TTBK2: variants seen among roughly 807,000 people sequenced by gnomAD.
TTBK2 encodes tau tubulin kinase 2, also known as tau-tubulin kinase 2.
TTBK2 carries 28 observed loss-of-function variants against 110.8 expected under a neutral mutation model. The observed-to-expected ratio is 0.25, with a 90% CI of 0.19 to 0.35. The LOEUF is 0.35. TTBK2 is among the 10% of genes least tolerant of loss of function. TTBK2 has a pLI of 1.00. For missense variants in TTBK2, 1,369 were observed against 1,500.3 expected, an observed-to-expected ratio of 0.91 and a Z score of 1.45; for synonymous variants, 532 against 527.3, an observed-to-expected ratio of 1.01 and a Z score of -0.12.
intron 13 of TTBK2, among the ~76,000 whole-genome samples, chr15:42,756,576 ACT>A (rs1179828841): frequency 1.3e-5 from 2 of 152,166 alleles, no homozygotes; most frequent in Non-Finnish European, 2.9e-5. Context: ...ACAGAGCGAC[ACT>A]CTGTCTCAAA....
intron 13 of TTBK2, among the ~76,000 whole-genome samples, chr15:42,759,880 G>A (rs2061999723): frequency 6.6e-6 from 1 of 151,730 alleles, no homozygotes; most frequent in Non-Finnish European, 1.5e-5. Context: ...CAACACCCAA[G>A]GAATGATAAT....
At chr15:42,833,214 A>G (rs1892834223) in intron 4 of TTBK2, among the ~76,000 whole-genome samples, 1 of 151,226 alleles carries the variant, frequency 6.6e-6, no homozygotes. Context: ...AATCTTTTAA[A>G]TAAAATAAAA....
At chr15:42,762,485 A>C (rs1442867947) in intron 13 of TTBK2, among the ~76,000 whole-genome samples, 2 of 152,188 alleles carry the variant, frequency 1.3e-5, no homozygotes, top group Non-Finnish European at 2.9e-5. Flanking sequence ...TGAAAGGCCA[A>C]GGCAGGTGGA....
chr15:42,824,113 G>A (rs1211109705), intron 6 of TTBK2, among the ~76,000 whole-genome samples: 2 of 152,034 alleles, frequency 1.3e-5, no homozygotes, highest in Non-Finnish European at 2.9e-5. Context: ...GAGAACTCAC[G>A]ACCCCTCCGC....
intron 11 of TTBK2, among the ~76,000 whole-genome samples, chr15:42,781,270 T>A (rs190253303): frequency 6.6e-6 from 1 of 152,062 alleles, no homozygotes; most frequent in Admixed American, 6.5e-5. Context: ...ACCTGGCAGA[T>A]GTAAAAACTC....
chr15:42,746,963 ATT>A (rs377241095), intron 14 of TTBK2, among the ~76,000 whole-genome samples: 48 of 135,148 alleles, frequency 3.6e-4, no homozygotes, highest in Non-Finnish European at 3.4e-4. Flanking sequence ...TGGGCCTCAG[ATT>A]TTTTTTTTTT....
intron 3 of TTBK2, among the ~76,000 whole-genome samples, chr15:42,844,454 G>A (rs1243329876): frequency 6.6e-6 from 1 of 152,300 alleles, no homozygotes; most frequent in Non-Finnish European, 1.5e-5. Context: ...AGCTACTCAG[G>A]AAGCTGCAGT....
intron 4 of TTBK2, among the ~76,000 whole-genome samples, chr15:42,838,605 C>A (rs1893091039): frequency 6.6e-6 from 1 of 151,950 alleles, no homozygotes; most frequent in African/African-American, 2.4e-5. Context: ...CACCTGAGGT[C>A]AGGAGTTCAA....
chr15:42,773,296 G>A (rs1339602329), intron 13 of TTBK2, among the ~76,000 whole-genome samples: 1 of 152,058 alleles, frequency 6.6e-6, no homozygotes, highest in Non-Finnish European at 1.5e-5. Context: ...AATTAGCCGG[G>A]CTTGGTGGTG....
At chr15:42,837,397 C>T (rs2141007041) in intron 4 of TTBK2, among the ~76,000 whole-genome samples, 1 of 149,834 alleles carries the variant, frequency 6.7e-6, no homozygotes, top group Non-Finnish European at 1.5e-5. Flanking sequence ...GTGGCTTACG[C>T]CTGTAATCCC....
In TTBK2 at chr15:42,753,207, G is replaced by A; in HGVS notation, c.2039C>T (p.Thr680Ile). The A allele has an allele frequency of 6.2e-7, 1 of 1,612,840 alleles. No homozygotes were observed. Among genetic ancestry groups the A allele is most frequent in the Non-Finnish European group, 8.5e-7 (1 of 1,179,758 alleles). The change falls in exon 14 of 15, where the codon ACT becomes ATT. Residue 680 changes from threonine to isoleucine, a missense_variant. This residue lies in a region of TTBK2 where 1,097 missense variants were observed against 1,114.7 expected (regional missense o/e 0.98). Coordinates refer to ENST00000267890, the MANE Select transcript of TTBK2 (RefSeq NM_173500.4). ...PRPSVASTQS[T>I]SGSFHCGQQP... ...CTGACCACAGTGAAAGCTTCCTGAAGTTGACTGTGTAGATGCCACAGAAGG... is the reference window on the plus strand; with the variant it reads ...CTGACCACAGTGAAAGCTTCCTGAAATTGACTGTGTAGATGCCACAGAAGG...
intron 3 of TTBK2, among the ~76,000 whole-genome samples, chr15:42,854,394 T>C (rs565720959): frequency 6.6e-6 from 1 of 152,372 alleles, no homozygotes; most frequent in Admixed American, 6.5e-5. Context: ...CAAGTCCTCA[T>C]TTAATGTCAT....
intron 1 of TTBK2, among the ~76,000 whole-genome samples, chr15:42,913,983 T>A (rs1287721642): frequency 6.8e-6 from 1 of 147,928 alleles, no homozygotes; most frequent in Admixed American, 6.7e-5. Context: ...TTAACTTCCT[T>A]TTTTTTTTTT....
chr15:42,767,407 C>T (rs571449963), intron 13 of TTBK2, among the ~76,000 whole-genome samples: 76 of 152,118 alleles, frequency 5.0e-4, no homozygotes, highest in African/African-American at 1.5e-3. Flanking sequence ...ATCAAATAGA[C>T]GCAATAAAAA....
At position 42,791,877 on chromosome 15, in the gene TTBK2, C is replaced by T. The variant is rs1456351996; in HGVS notation, c.980+2767G>A. 2.6e-5 allele frequency among the ~76,000 whole-genome samples: 4 copies of T among 151,758 alleles called. No individual in the cohort carries two copies. In the East Asian group the frequency reaches 5.8e-4, roughly 22 times the overall value. On this transcript the variant is annotated intron_variant, in intron 10 of 14. Coordinates refer to ENST00000267890, the MANE Select transcript of TTBK2 (RefSeq NM_173500.4). ...CTTGTGTAGGCTGGGCGTGGTGGCT[C>T]GTGCCTGTGATCTCAGTACTTTGGG... is the stretch of plus-strand genomic sequence containing the variant.
At chr15:42,879,932 G>C (rs1338120773) in intron 1 of TTBK2, among the ~76,000 whole-genome samples, 1 of 151,418 alleles carries the variant, frequency 6.6e-6, no homozygotes, top group East Asian at 1.9e-4. Flanking sequence ...GGAAGGTTGA[G>C]GTTGCAGTGA....
In TTBK2 at chr15:42,752,983, C is replaced by G. The variant is rs756990473; in HGVS notation, c.2263G>C (p.Gly755Arg). The G allele has an allele frequency of 1.2e-6, 2 of 1,614,138 alleles. No homozygotes were observed. Among genetic ancestry groups the G allele is most frequent in the Non-Finnish European group, 1.7e-6 (2 of 1,180,024 alleles). ...IRESNKSQDL[G>R]PKELPDHNRL... is the part of the protein sequence containing the mutation. ...TTATGATCAGGAAGTTCTTTTGGTCCCAGGTCTTGAGATTTGTTACTTTCT... is the reference window on the plus strand; with the variant it reads ...TTATGATCAGGAAGTTCTTTTGGTCGCAGGTCTTGAGATTTGTTACTTTCT... The change falls in exon 14 of 15, where the codon GGA becomes CGA. Residue 755 changes from glycine (G) to arginine (R), a missense_variant. By Grantham distance (125) the Gly-to-Arg change is moderately radical. Around this residue, in one of 4 missense-constraint regions of TTBK2, gnomAD observed 1,097 missense variants for 1,114.7 expected, o/e 0.98. Coordinates refer to ENST00000267890, the MANE Select transcript of TTBK2 (RefSeq NM_173500.4).
chr15:42,909,259 G>A (rs1005901727), intron 1 of TTBK2, among the ~76,000 whole-genome samples: 4 of 152,134 alleles, frequency 2.6e-5, no homozygotes, highest in African/African-American at 7.2e-5. Flanking sequence ...CTCCTGCCTC[G>A]CCTTCCAAAT....
chr15:42,865,513 T>TAAA lies in TTBK2; in HGVS notation c.217+7095_217+7097dup, dbSNP rs60116704. On this transcript the variant is annotated intron_variant, in intron 3 of 14. Coordinates refer to ENST00000267890, the MANE Select transcript of TTBK2 (RefSeq NM_173500.4). ...GAATGGAAGACAAAAATAATAATAC[T>TAAA]AAAAAAAAAAAAAAAACCAACAACA... Among the ~76,000 whole-genome samples the TAAA allele has an allele frequency of 5.0e-3, 548 of 109,204 alleles. 6 individuals carry two copies. The highest frequency in any genetic ancestry group is 0.018 in the African/African-American group (520 of 29,302). 71.6% of individuals were successfully genotyped at this position (109,204 alleles called of 152,430 possible).
Sources: gnomAD v4.1 joint callset for allele counts (sites outside exome capture counted in the v4.1 genomes callset) on GRCh38, gnomAD v4.1.1 for gene constraint, gnomAD v4.1.1 regional missense constraint, MANE v1.5 for transcripts, NCBI Gene and HGNC (gene_info 2026-07-23, HGNC 2026-07-21) for gene names.